Variants in STAC observed in about 807,000 individuals in gnomAD.
The protein encoded by STAC is SH3 and cysteine rich domain, also known as SH3 and cysteine-rich domain-containing protein.
A neutral mutation model predicts 48.8 loss-of-function variants in STAC; 43 were observed. The ratio of observed to expected loss-of-function variants is 0.88; its 90% CI spans 0.69 to 1.14. STAC has a LOEUF of 1.14. STAC is among the 50% of genes most tolerant of loss of function. The probability of loss-of-function intolerance (pLI) is 0.00; values close to 1 mark genes in which losing one functional copy is unlikely to be tolerated. For missense variants in STAC, 497 were observed against 504.0 expected (o/e 0.99, Z 0.13); for synonymous variants, 193 against 179.5 (o/e 1.07, Z -0.60).
At chr3:36,540,864 G>A (rs189398682) in intron 10 of STAC, among the ~76,000 whole-genome samples, 10 of 152,280 alleles carry the variant, frequency 6.6e-5, no homozygotes, top group Admixed American at 5.9e-4. Context: ...TGTTGTTTAA[G>A]GCTTCTAAAT....
intron 8 of STAC, among the ~76,000 whole-genome samples, chr3:36,509,177 G>A (rs1487557178): frequency 6.6e-6 from 1 of 152,170 alleles, no homozygotes; most frequent in Non-Finnish European, 1.5e-5. Context: ...CACTTATGAA[G>A]TTTAGTTTGG....
chr3:36,417,552 CCTA>C, intron 1 of STAC, among the ~76,000 whole-genome samples: 1 of 151,780 alleles, frequency 6.6e-6, no homozygotes, highest in South Asian at 2.1e-4. Context: ...TAGAATAAAC[CCTA>C]TTTGACCACA....
intron 8 of STAC, among the ~76,000 whole-genome samples, chr3:36,515,975 CTTTTTTTT>C (rs1203330014): frequency 2.5e-3 from 154 of 61,474 alleles, no homozygotes; most frequent in African/African-American, 0.01. Flanking sequence ...CATTTTTCTC[CTTTTTTTT>C]TTTTTTTTTT....
At chr3:36,397,579 GCATA>G (rs1439125001) in intron 1 of STAC, among the ~76,000 whole-genome samples, 2 of 152,134 alleles carry the variant, frequency 1.3e-5, no homozygotes, top group Non-Finnish European at 2.9e-5. Context: ...CAAAAATAAA[GCATA>G]CAGTTTATGC....
intron 2 of STAC, among the ~76,000 whole-genome samples, chr3:36,448,906 C>CT (rs1055746647): frequency 6.8e-6 from 1 of 146,100 alleles, no homozygotes; most frequent in Admixed American, 6.9e-5. Flanking sequence ...AGTGAACCCC[C>CT]CCCCCCACTC....
chr3:36,492,916 A>G (rs1698029177), intron 5 of STAC, among the ~76,000 whole-genome samples: 1 of 152,118 alleles, frequency 6.6e-6, no homozygotes. Flanking sequence ...AATATTCAAT[A>G]CTCACTGGAT....
At chr3:36,480,204 G>A (rs11709479) in intron 2 of STAC, among the ~76,000 whole-genome samples, 20,132 of 152,162 alleles carry the variant, frequency 0.13, 1,438 homozygotes, top group Non-Finnish European at 0.16. Context: ...ATTTGAAAAC[G>A]AAAAGTAAGT....
intron 1 of STAC, among the ~76,000 whole-genome samples, chr3:36,415,702 G>A (rs745970776): frequency 7.2e-5 from 11 of 152,154 alleles, no homozygotes; most frequent in Non-Finnish European, 1.0e-4. Context: ...CATCTTCTGC[G>A]TCGCTCACGT....
intron 2 of STAC, among the ~76,000 whole-genome samples, chr3:36,476,268 G>A (rs963572656): frequency 6.6e-6 from 1 of 152,204 alleles, no homozygotes; most frequent in African/African-American, 2.4e-5. Context: ...AAGAGGAGAT[G>A]TCCTGTTGTA....
In STAC at chr3:36,482,974, T is replaced by G. The variant is rs779160392; in HGVS notation, c.389-18T>G. 1.9e-6 allele frequency: 3 copies of G among 1,599,974 alleles called. No homozygotes were observed. In the South Asian group the frequency reaches 3.3e-5, roughly 18 times the overall value. Reference sequence around the variant, plus strand: ...TGGCAGGTTGTATCCTAACCAAAGTTTGCCATGTACCTGACAGGAACAAAT... The same window carrying G: ...TGGCAGGTTGTATCCTAACCAAAGTGTGCCATGTACCTGACAGGAACAAAT... On this transcript the variant is annotated intron_variant, in intron 2 of 10. Coordinates refer to ENST00000273183, the MANE Select transcript of STAC (RefSeq NM_003149.3).
At chr3:36,506,986 C>T (rs1698418275) in intron 8 of STAC, among the ~76,000 whole-genome samples, 1 of 152,174 alleles carries the variant, frequency 6.6e-6, no homozygotes, top group African/African-American at 2.4e-5. Flanking sequence ...TGAGAGAGGG[C>T]ATCCTTGTCT....
chr3:36,452,340 C>G (rs115241107), intron 2 of STAC, among the ~76,000 whole-genome samples: 1 of 152,146 alleles, frequency 6.6e-6, no homozygotes, highest in Non-Finnish European at 1.5e-5. Context: ...TATAGTATAA[C>G]CTTTCAAGGC....
chr3:36,399,933 A>C (rs567573794), intron 1 of STAC, among the ~76,000 whole-genome samples: 20 of 152,302 alleles, frequency 1.3e-4, no homozygotes, highest in South Asian at 2.1e-4. Context: ...GGAGGCACTC[A>C]TGTGCAAGTG....
chr3:36,471,190 G>A (rs185656683), intron 2 of STAC, among the ~76,000 whole-genome samples: 4 of 152,268 alleles, frequency 2.6e-5, no homozygotes, highest in Non-Finnish European at 5.9e-5. Flanking sequence ...GAGAGAATGA[G>A]GAGGAAGAAA....
chr3:36,429,948 A>G (rs73063805), intron 1 of STAC, among the ~76,000 whole-genome samples: 3,535 of 152,320 alleles, frequency 0.023, 60 homozygotes, highest in East Asian at 0.026. Context: ...AGAGATGAAT[A>G]CAGGAGATAT....
chr3:36,461,084 A>G (rs1559500464), intron 2 of STAC, among the ~76,000 whole-genome samples: 1 of 152,210 alleles, frequency 6.6e-6, no homozygotes, highest in Non-Finnish European at 1.5e-5. Flanking sequence ...GTGCCCTGCT[A>G]GACTTTTTTA....
chr3:36,504,725 T>A (rs1057315688), intron 7 of STAC, among the ~76,000 whole-genome samples: 1 of 152,144 alleles, frequency 6.6e-6, no homozygotes, highest in Non-Finnish European at 1.5e-5. Flanking sequence ...ATTATCACTG[T>A]ATTTTATAGC....
chr3:36,429,232 G>A (rs937838761), intron 1 of STAC, among the ~76,000 whole-genome samples: 3 of 152,140 alleles, frequency 2.0e-5, no homozygotes, highest in African/African-American at 7.2e-5. Flanking sequence ...TAAGCTGGAG[G>A]ACTGCTTCCT....
In STAC at chr3:36,412,412, G is replaced by A. The variant is rs530457681; in HGVS notation, c.112-30952G>A. 2.0e-5 allele frequency among the ~76,000 whole-genome samples: 3 copies of A among 152,092 alleles called. 1 individual carries two copies. The South Asian group carries it at 6.2e-4, about 32-fold the overall frequency. On this transcript the variant is annotated intron_variant, in intron 1 of 10. Coordinates refer to ENST00000273183, the MANE Select transcript of STAC (RefSeq NM_003149.3). ...AGCTGTAAGGAAAGCTGGATACATT[G>A]CTGTTCCAAGAAAAATAGAGGTTTT... is the stretch of plus-strand genomic sequence containing the variant.
Sources: gnomAD v4.1 joint callset for allele counts (sites outside exome capture counted in the v4.1 genomes callset) on GRCh38, gnomAD v4.1.1 for gene constraint, MANE v1.5 for transcripts, NCBI Gene and HGNC (gene_info 2026-07-23, HGNC 2026-07-21) for gene names.